LRRC37B: variants seen among roughly 807,000 people sequenced by gnomAD.
LRRC37B encodes the protein leucine rich repeat containing 37B.
In LRRC37B, 28 loss-of-function variants were observed where a neutral mutation model predicts 98.3. That is an observed-to-expected ratio of 0.28 (90% confidence interval 0.21 to 0.39). The LOEUF is 0.39. Ranked by LOEUF, LRRC37B falls within the 10% of genes least tolerant of loss-of-function variation. LRRC37B has a pLI of 1.00. For missense variants in LRRC37B, 938 were observed against 1,182.7 expected (o/e 0.79, Z 3.03); for synonymous variants, 364 against 442.7 (o/e 0.82, Z 2.23).
chr17:32,049,127 C>T (rs777336757), exon 10 of LRRC37B: 36 of 1,613,786 alleles, frequency 2.2e-5, no homozygotes, highest in Middle Eastern at 3.3e-4. Flanking sequence ...TTCAGCTAAC[C>T]GAGCAGCTAC....
At chr17:32,047,945 A>C (rs2142262412) in intron 9 of LRRC37B, 44 bp downstream of exon 12, 1 of 1,614,092 alleles carries the variant, frequency 6.2e-7, no homozygotes, top group Non-Finnish European at 8.5e-7. Flanking sequence ...TTAGCAGTGC[A>C]CTAAGTTACA....
Position 32,049,085 on chromosome 17 carries a change from A to G in LRRC37B, c.2465-17A>G, listed in dbSNP as rs200275728. ...CTGAGCCCAAAAGCTTCAATTACCCATTGCTCTCGTCCCCAGGTGATCAGC... is the reference window on the plus strand; with the variant it reads ...CTGAGCCCAAAAGCTTCAATTACCCGTTGCTCTCGTCCCCAGGTGATCAGC... On this transcript the variant is annotated splice_polypyrimidine_tract_variant and intron_variant, in intron 9 of 11. Transcript: ENST00000327564. 6.6e-5 allele frequency: 106 copies of G among 1,613,554 alleles called. No individual in the cohort carries two copies. The highest frequency in any genetic ancestry group is 8.9e-5 in the Non-Finnish European group (105 of 1,179,798).
exon 1 of LRRC37B, chr17:32,021,736 C>A: frequency 6.2e-7 from 1 of 1,614,252 alleles, no homozygotes; most frequent in Non-Finnish European, 8.5e-7. Flanking sequence ...AAAGATCTAG[C>A]TGAACGTTGG....
intron 1 of LRRC37B, among the ~76,000 whole-genome samples, chr17:32,014,758 A>G (rs1001567202): frequency 6.6e-6 from 1 of 152,210 alleles, no homozygotes; most frequent in Non-Finnish European, 1.5e-5. Flanking sequence ...AGAGGTAATA[A>G]TGGTAGCTAT....
At chr17:32,017,519 G>C (rs918923875), upstream of LRRC37B, among the ~76,000 whole-genome samples, 1 of 152,190 alleles carries the variant, frequency 6.6e-6, no homozygotes, top group Admixed American at 6.5e-5. Flanking sequence ...AAACTGAGCT[G>C]TGAGACCGGA....
chr17:32,043,977 C>T (rs1178295180), intron 7 of LRRC37B, among the ~76,000 whole-genome samples: 3 of 151,490 alleles, frequency 2.0e-5, no homozygotes, highest in Non-Finnish European at 4.4e-5. Flanking sequence ...ATTTAATCCT[C>T]AAAACTCATT....
chr17:32,041,175 A>C (rs1158702555), intron 7 of LRRC37B: 1 of 772,144 alleles, frequency 1.3e-6, no homozygotes, highest in Non-Finnish European at 2.4e-6. Flanking sequence ...CTCACGCCCC[A>C]AGCGGGAGTA....
At chr17:32,033,159 A>C (rs1056356717) in intron 5 of LRRC37B, among the ~76,000 whole-genome samples, 2 of 152,140 alleles carry the variant, frequency 1.3e-5, no homozygotes, top group African/African-American at 4.8e-5. Context: ...GCAAGGCTCC[A>C]ACAGAGATGG....
At position 32,035,588 on chromosome 17, in the gene LRRC37B, CACTT is replaced by C. The variant is rs760984797; in HGVS notation, c.2156_2159del (p.Leu719GlnfsTer9). 3 of 1,612,514 alleles carry C rather than the reference CACTT, an allele frequency of 1.9e-6. No individual in the cohort carries two copies. The highest frequency in any genetic ancestry group is 1.7e-5 in the Admixed American group (1 of 59,894). On this transcript the variant is annotated frameshift_variant, in exon 7 of 12. Coordinates refer to ENST00000327564, the Ensembl canonical transcript of LRRC37B. LOFTEE classifies it high-confidence loss of function. ...AGAGACATGGGAACAACACACATCA[CACTT>C]ACAACACTTAAGAACATTCTCACGA...
At chr17:32,039,425 C>T (rs1911342721) in intron 7 of LRRC37B, among the ~76,000 whole-genome samples, 4 of 135,906 alleles carry the variant, frequency 2.9e-5, no homozygotes, top group African/African-American at 1.1e-4. Context: ...TGCAGTGAGC[C>T]AAGATGACAC....
At chr17:32,051,619 T>C (rs1214677740) in intron 11 of LRRC37B, 1 of 152,244 alleles carries the variant, frequency 6.6e-6, no homozygotes, top group East Asian at 1.9e-4. Flanking sequence ...GAGGATTGCT[T>C]GAGCCTGGGA....
chr17:32,022,219 A>T, exon 1 of LRRC37B: 3 of 1,613,040 alleles, frequency 1.9e-6, no homozygotes, highest in Non-Finnish European at 2.5e-6. Flanking sequence ...GAGCCTAAAA[A>T]TGAGACAGAA....
chr17:32,013,648 A>G (rs559497035), intron 1 of LRRC37B, among the ~76,000 whole-genome samples: 8 of 152,132 alleles, frequency 5.3e-5, no homozygotes, highest in East Asian at 1.9e-4. Flanking sequence ...TCTAAATACA[A>G]CGTCAAAGTA....
chr17:32,020,303 C>T (rs1028739605), upstream of LRRC37B, among the ~76,000 whole-genome samples: 5 of 152,148 alleles, frequency 3.3e-5, no homozygotes, highest in Admixed American at 6.5e-5. Flanking sequence ...TAGTTATAGT[C>T]GCATTTCAGG....
At chr17:32,020,658 G>C (rs148000725), upstream of LRRC37B, 294 of 343,464 alleles carry the variant, frequency 8.6e-4, 4 homozygotes, top group Middle Eastern at 4.8e-3. Flanking sequence ...ACTGTAACGC[G>C]CGTCCTGCCT....
chr17:32,021,679 A>G, exon 1 of LRRC37B: 1 of 1,614,246 alleles, frequency 6.2e-7, no homozygotes, highest in Non-Finnish European at 8.5e-7. Context: ...CTAGACAGTA[A>G]GGTTTCAAGA....
At chr17:32,027,529 G>GCC (rs1432475915) in intron 2 of LRRC37B, among the ~76,000 whole-genome samples, 1 of 150,324 alleles carries the variant, frequency 6.7e-6, no homozygotes, top group Non-Finnish European at 1.5e-5. Context: ...GTGTGTGCTT[G>GCC]TGTGTGTGTG....
Position 32,024,797 on chromosome 17 carries a change from T to G in LRRC37B, c.1832+15T>G, listed in dbSNP as rs761305699. 2 of 1,599,782 alleles carry G rather than the reference T, an allele frequency of 1.3e-6. No individual in the cohort carries two copies. The highest frequency in any genetic ancestry group is 1.7e-6 in the Non-Finnish European group (2 of 1,173,690). On this transcript the variant is annotated intron_variant, in intron 2 of 11. Coordinates refer to ENST00000327564, the Ensembl canonical transcript of LRRC37B. ...ACCGAGAAACTGTGAGTATATTCTCTCCAAATATGACAAAAAACTAACTGC... is the reference window on the plus strand; with the variant it reads ...ACCGAGAAACTGTGAGTATATTCTCGCCAAATATGACAAAAAACTAACTGC...
At chr17:32,014,690 A>G (rs912503385) in intron 1 of LRRC37B, among the ~76,000 whole-genome samples, 3 of 151,980 alleles carry the variant, frequency 2.0e-5, no homozygotes, top group Admixed American at 6.6e-5. Context: ...GAGACTTCCA[A>G]TGTATGTAGA....
Sources: allele counts gnomAD v4.1 joint callset (sites outside exome capture counted in the v4.1 genomes callset), GRCh38; gene constraint gnomAD v4.1.1; transcripts MANE v1.5; gene names NCBI Gene and HGNC (gene_info 2026-07-23, HGNC 2026-07-21).